The following NHS variants were observed in gnomAD, a reference collection of about 807,000 sequenced individuals.
The protein encoded by NHS is NHS actin remodeling regulator.
Under a neutral mutation model 72.5 loss-of-function variants are expected in NHS, and 5 were observed. That is an observed-to-expected ratio of 0.07 (90% CI 0.04 to 0.14). The LOEUF is 0.14. NHS is among the 10% of genes least tolerant of loss of function. The probability of loss-of-function intolerance (pLI) is 1.00; values close to 1 mark genes in which losing one functional copy is unlikely to be tolerated. For missense variants in NHS, 1,072 were observed against 1,355.7 expected, an observed-to-expected ratio of 0.79 and a Z score of 3.29; for synonymous variants, 464 against 547.7, an observed-to-expected ratio of 0.85 and a Z score of 2.13.
chrX:17,604,933 A>G (rs768425506), intron 1 of NHS, among the ~76,000 whole-genome samples: 22 of 112,171 alleles, frequency 2.0e-4, no homozygotes, highest in African/African-American at 5.8e-4. Flanking sequence ...CCCAACCCCA[A>G]TAAAACATTC....
intron 1 of NHS, among the ~76,000 whole-genome samples, chrX:17,470,553 G>A (rs1378182976): frequency 4.5e-5 from 5 of 111,584 alleles, no homozygotes; most frequent in African/African-American, 9.8e-5. Flanking sequence ...GGAACCCTGC[G>A]AGATAAGCAT....
chrX:17,433,091 G>T (rs1044902258), intron 1 of NHS, among the ~76,000 whole-genome samples: 5 of 107,678 alleles, frequency 4.6e-5, no homozygotes, highest in African/African-American at 1.7e-4. Flanking sequence ...GTTCAGTGGC[G>T]CAATCTCGGC....
Position 17,724,333 on chromosome X carries a change from C to T in NHS, c.1143C>T (p.Cys381=), listed in dbSNP as rs727504042. 142 of 1,210,054 alleles carry T rather than the reference C, an allele frequency of 1.2e-4. 1 individual carries two copies. The highest frequency in any genetic ancestry group is 2.3e-4 in the Middle Eastern group (1 of 4,353). The stretch of plus-strand genomic sequence containing the variant: ...TTGACAGAGAGGCTAGTATACGCTG[C>T]TCTCTGGTTCATTCACAATCGGTAC... ...VGFDREASIR[C]SLVHSQSVLQ... Residue 381 remains cysteine (C), a synonymous_variant, in exon 6 of 9, where the codon TGC becomes TGT. Coordinates refer to ENST00000676302, the MANE Select transcript of NHS (RefSeq NM_001291867.2).
chrX:17,562,289 G>A (rs773297842), intron 1 of NHS, among the ~76,000 whole-genome samples: 1 of 112,013 alleles, frequency 8.9e-6, no homozygotes, highest in South Asian at 3.7e-4. Flanking sequence ...TGAATCCCAA[G>A]GGAGACTCTG....
chrX:17,614,213 A>G (rs147214132), intron 1 of NHS, among the ~76,000 whole-genome samples: 6 of 112,429 alleles, frequency 5.3e-5, no homozygotes, highest in Non-Finnish European at 1.1e-4. Flanking sequence ...GGAGCTGTTG[A>G]CAGAACAAAT....
intron 1 of NHS, among the ~76,000 whole-genome samples, chrX:17,488,540 C>T (rs928377842): frequency 9.0e-6 from 1 of 111,512 alleles, no homozygotes; most frequent in Non-Finnish European, 1.9e-5. Context: ...TGCCATGGAC[C>T]CCTGGGCAGG....
intron 1 of NHS, among the ~76,000 whole-genome samples, chrX:17,683,168 C>T (rs968205427): frequency 8.9e-5 from 10 of 112,013 alleles, no homozygotes; most frequent in Non-Finnish European, 1.5e-4. Flanking sequence ...ACATTTCCTG[C>T]GATGGCATTT....
At chrX:17,543,521 AG>A (rs1446208855) in intron 1 of NHS, among the ~76,000 whole-genome samples, 1 of 112,306 alleles carries the variant, frequency 8.9e-6, no homozygotes, top group East Asian at 2.8e-4. Flanking sequence ...TCCTCTTCCC[AG>A]GGAAGGCAGA....
chrX:17,577,432 A>G (rs2065518047), intron 1 of NHS, among the ~76,000 whole-genome samples: 1 of 111,694 alleles, frequency 9.0e-6, no homozygotes, highest in Non-Finnish European at 1.9e-5. Context: ...AATCTTCTTC[A>G]TTTTTATTAG....
At chrX:17,676,467 C>T (rs1160275327) in intron 1 of NHS, among the ~76,000 whole-genome samples, 1 of 112,715 alleles carries the variant, frequency 8.9e-6, no homozygotes, top group Non-Finnish European at 1.9e-5. Context: ...TCAGCCTCAC[C>T]TGGTTCATCT....
intron 1 of NHS, among the ~76,000 whole-genome samples, chrX:17,480,110 C>T (rs1406071001): frequency 9.0e-6 from 1 of 111,277 alleles, no homozygotes; most frequent in African/African-American, 3.3e-5. Context: ...CTACAAACCA[C>T]TGCTCAAGGA....
chrX:17,597,226 TCTCCTGC>T (rs2065628813), intron 1 of NHS, among the ~76,000 whole-genome samples: 1 of 106,580 alleles, frequency 9.4e-6, no homozygotes, highest in African/African-American at 3.4e-5. Flanking sequence ...TTCACGCCAT[TCTCCTGC>T]CTCAGCCTCC....
At chrX:17,546,993 C>T (rs1225173593) in intron 1 of NHS, among the ~76,000 whole-genome samples, 1 of 112,010 alleles carries the variant, frequency 8.9e-6, no homozygotes, top group Non-Finnish European at 1.9e-5. Context: ...TGTATGCTGG[C>T]CTCTTGGAGG....
rs758461639 is a variant in NHS, at chrX:17,580,226, A to G, written c.566-107516A>G. 2.4e-4 allele frequency among the ~76,000 whole-genome samples: 27 copies of G among 111,814 alleles called. No individual in the cohort carries two copies. The South Asian group carries it at 8.0e-3, about 33-fold the overall frequency. On this transcript the variant is annotated intron_variant, in intron 1 of 8. Coordinates refer to ENST00000676302, the MANE Select transcript of NHS (RefSeq NM_001291867.2). ...AAAGATGGACTGTAGAGCTATCATAAAACCCTTCATTTGAGCATTCTTTAA... is the reference window on the plus strand; with the variant it reads ...AAAGATGGACTGTAGAGCTATCATAGAACCCTTCATTTGAGCATTCTTTAA...
intron 1 of NHS, among the ~76,000 whole-genome samples, chrX:17,388,778 G>T (rs2064423619): frequency 9.1e-6 from 1 of 110,267 alleles, no homozygotes; most frequent in Admixed American, 9.8e-5. Flanking sequence ...ATCACTTTGG[G>T]TATTGTGGCA....
intron 3 of NHS, among the ~76,000 whole-genome samples, chrX:17,699,388 A>G (rs1047140361): frequency 7.1e-5 from 8 of 112,153 alleles, no homozygotes; most frequent in South Asian, 3.7e-4. Flanking sequence ...CAAAGTCCAG[A>G]AAGAGACCAG....
chrX:17,651,013 C>T (rs1212842777), intron 1 of NHS, among the ~76,000 whole-genome samples: 1 of 112,280 alleles, frequency 8.9e-6, no homozygotes, highest in African/African-American at 3.2e-5. Context: ...CCCCACTCTT[C>T]TCAGGGCTGC....
intron 1 of NHS, among the ~76,000 whole-genome samples, chrX:17,496,227 A>G (rs1280691723): frequency 2.7e-5 from 3 of 111,089 alleles, no homozygotes; most frequent in Non-Finnish European, 5.7e-5. Context: ...CTAGGGGAAC[A>G]GGCCCAGGGC....
At chrX:17,451,844 T>G (rs1044474679) in intron 1 of NHS, among the ~76,000 whole-genome samples, 1 of 112,126 alleles carries the variant, frequency 8.9e-6, no homozygotes, top group Non-Finnish European at 1.9e-5. Context: ...ATGAAAGACC[T>G]AATTCTAATA....
Sources: allele counts gnomAD v4.1 joint callset (sites outside exome capture counted in the v4.1 genomes callset), GRCh38; gene constraint gnomAD v4.1.1; transcripts MANE v1.5; gene names NCBI Gene and HGNC (gene_info 2026-07-23, HGNC 2026-07-21).